XIRP2: variants seen among roughly 807,000 people sequenced by gnomAD.
The protein encoded by XIRP2 is xin actin-binding repeat-containing protein 2.
A neutral mutation model predicts 277.0 loss-of-function variants in XIRP2; 236 were observed. The ratio of observed to expected loss-of-function variants is 0.85; its 90% CI spans 0.77 to 0.95. The LOEUF (loss-of-function observed/expected upper bound fraction) is 0.95. XIRP2 is among the 40% of genes least tolerant of loss of function. The probability of loss-of-function intolerance (pLI) is 0.00; values close to 1 mark genes in which losing one functional copy is unlikely to be tolerated. For missense variants in XIRP2, 4,640 were observed against 4,157.5 expected (o/e 1.12, Z -3.19); for synonymous variants, 1,490 against 1,416.5 (o/e 1.05, Z -1.17).
chr2:167,091,756 T>G (rs1323915073), intron 2 of XIRP2, among the ~76,000 whole-genome samples: 2 of 152,136 alleles, frequency 1.3e-5, no homozygotes, highest in Non-Finnish European at 2.9e-5. Flanking sequence ...TTAATAATGT[T>G]TTCTACTTCA....
intron 2 of XIRP2, among the ~76,000 whole-genome samples, chr2:167,098,313 T>C (rs193071098): frequency 6.6e-6 from 1 of 152,358 alleles, no homozygotes; most frequent in African/African-American, 2.4e-5. Context: ...CAATCTCTGA[T>C]ATCGTTTCCT....
At chr2:167,001,385 G>T (rs891098640) in intron 2 of XIRP2, among the ~76,000 whole-genome samples, 6 of 152,046 alleles carry the variant, frequency 3.9e-5, no homozygotes, top group Admixed American at 6.6e-5. Flanking sequence ...AAACGCTAGG[G>T]ATCATATTGA....
intron 2 of XIRP2, among the ~76,000 whole-genome samples, chr2:167,023,653 T>C (rs1452639678): frequency 5.3e-5 from 8 of 152,116 alleles, no homozygotes; most frequent in Non-Finnish European, 1.0e-4. Context: ...GGAAGGGATC[T>C]GGTTTCAGCT....
intron 2 of XIRP2, among the ~76,000 whole-genome samples, chr2:166,953,934 T>C (rs1213833672): frequency 6.6e-6 from 1 of 151,988 alleles, no homozygotes; most frequent in African/African-American, 2.4e-5. Flanking sequence ...TGTATAAAAG[T>C]ATTATGAATT....
At chr2:167,146,179 A>C (rs1434558687) in intron 3 of XIRP2, among the ~76,000 whole-genome samples, 1 of 152,122 alleles carries the variant, frequency 6.6e-6, no homozygotes, top group Non-Finnish European at 1.5e-5. Flanking sequence ...GAGAGAATTA[A>C]TGATCTAGAA....
chr2:167,084,024 T>C lies in XIRP2; in HGVS notation c.409-51885T>C, dbSNP rs1159014093. 5.9e-5 allele frequency among the ~76,000 whole-genome samples: 9 copies of C among 151,828 alleles called. No individual in the cohort carries two copies. The East Asian group carries it at 1.7e-3, about 29-fold the overall frequency. On this transcript the variant is annotated intron_variant, in intron 2 of 10. Coordinates refer to ENST00000409195, the MANE Select transcript of XIRP2 (RefSeq NM_152381.6). The stretch of plus-strand genomic sequence containing the variant: ...GGGCATCCCTGTCTTGTGCCAGTTT[T>C]CAAAGGGAATGCTTCCAGTTTTTGC...
intron 3 of XIRP2, among the ~76,000 whole-genome samples, chr2:167,162,998 CAGA>C (rs1692414925): frequency 6.6e-6 from 1 of 152,170 alleles, no homozygotes; most frequent in Non-Finnish European, 1.5e-5. Context: ...TTGTTTATAT[CAGA>C]AGGTTTTTCT....
chr2:167,105,009 A>G (rs1690579802), intron 2 of XIRP2, among the ~76,000 whole-genome samples: 1 of 152,100 alleles, frequency 6.6e-6, no homozygotes, highest in African/African-American at 2.4e-5. Context: ...TGATATATGA[A>G]TTAAGAGTTG....
chr2:167,155,364 C>A (rs1365723704), intron 3 of XIRP2, among the ~76,000 whole-genome samples: 2 of 151,482 alleles, frequency 1.3e-5, no homozygotes, highest in Non-Finnish European at 2.9e-5. Context: ...ACTGGCAAAC[C>A]GAATCCAGCA....
At chr2:167,212,832 A>G (rs1694093913) in intron 4 of XIRP2, among the ~76,000 whole-genome samples, 1 of 152,054 alleles carries the variant, frequency 6.6e-6, no homozygotes, top group Non-Finnish European at 1.5e-5. Context: ...GTAAATATCT[A>G]AAGCAAAGCA....
chr2:167,127,743 C>T (rs1005903638), intron 2 of XIRP2, among the ~76,000 whole-genome samples: 1 of 152,200 alleles, frequency 6.6e-6, no homozygotes, highest in Non-Finnish European at 1.5e-5. Context: ...ACTTAATTCA[C>T]TTCCTGGCCC....
At chr2:167,087,343 C>A (rs1189768512) in intron 2 of XIRP2, among the ~76,000 whole-genome samples, 1 of 152,130 alleles carries the variant, frequency 6.6e-6, no homozygotes, top group African/African-American at 2.4e-5. Flanking sequence ...CTGCTCTCTT[C>A]AAAGCTGTCA....
chr2:167,168,850 G>A (rs193248455), intron 3 of XIRP2, among the ~76,000 whole-genome samples: 5 of 152,134 alleles, frequency 3.3e-5, no homozygotes, highest in African/African-American at 9.6e-5. Flanking sequence ...TCCTGACCTC[G>A]TGATCCGCCT....
chr2:167,144,203 T>G (rs529835740), intron 3 of XIRP2, among the ~76,000 whole-genome samples: 1 of 152,282 alleles, frequency 6.6e-6, no homozygotes, highest in African/African-American at 2.4e-5. Context: ...TAAACTTTTC[T>G]CTTTGAGAAG....
In XIRP2 at chr2:167,251,115, A is replaced by G. The variant is rs1695484019; in HGVS notation, c.9723A>G (p.Pro3241=). Residue 3241 remains proline (P), a synonymous_variant, in exon 9 of 11, where the codon CCA becomes CCG. Coordinates refer to ENST00000409195, the MANE Select transcript of XIRP2 (RefSeq NM_152381.6). ...ACTCTCCACCTACAATCACAATACC[A>G]GTAAATATAAATCATGCTGCTAGTG... ...GRDSPPTITI[P]VNINHAASGS... 1 of 1,613,574 alleles carries G rather than the reference A, an allele frequency of 6.2e-7. No individual in the cohort carries two copies. The highest frequency in any genetic ancestry group is 8.5e-7 in the Non-Finnish European group (1 of 1,179,736).
At chr2:167,107,743 C>G (rs1460320082) in intron 2 of XIRP2, among the ~76,000 whole-genome samples, 1 of 151,598 alleles carries the variant, frequency 6.6e-6, no homozygotes, top group Non-Finnish European at 1.5e-5. Flanking sequence ...GGAATACTAG[C>G]CTCATAAAAT....
chr2:167,243,783 G>T lies in XIRP2; in HGVS notation c.2391G>T (p.Met797Ile), dbSNP rs1486507920. 1 of 1,614,008 alleles carries T rather than the reference G, an allele frequency of 6.2e-7. No individual in the cohort carries two copies. The highest frequency in any genetic ancestry group is 1.1e-5 in the South Asian group (1 of 91,066). ...TEIKVVRGIS[M>I]EENVKGGVSK... ...TTAAAGTTGTCCGAGGAATATCCAT[G>T]GAAGAAAATGTCAAAGGTGGGGTGA... The change falls in exon 9 of 11, where the codon ATG becomes ATT. Residue 797 changes from methionine to isoleucine, a missense_variant. Physicochemically the swap from Met to Ile is conservative, Grantham distance 10. Transcript: ENST00000409195.
intron 2 of XIRP2, among the ~76,000 whole-genome samples, chr2:167,126,374 C>T (rs1276367663): frequency 6.6e-6 from 1 of 152,126 alleles, no homozygotes; most frequent in Non-Finnish European, 1.5e-5. Flanking sequence ...TTCTGCTGTG[C>T]TCCCTCAGAA....
At chr2:166,976,899 T>A (rs947664437) in intron 2 of XIRP2, among the ~76,000 whole-genome samples, 3 of 152,220 alleles carry the variant, frequency 2.0e-5, no homozygotes, top group African/African-American at 7.2e-5. Context: ...GATGTGAAAG[T>A]CTATGGCAAT....
Sources: allele counts gnomAD v4.1 joint callset (sites outside exome capture counted in the v4.1 genomes callset), GRCh38; gene constraint gnomAD v4.1.1; transcripts MANE v1.5; gene names NCBI Gene and HGNC (gene_info 2026-07-23, HGNC 2026-07-21).